Variants in CARHSP1 observed in about 807,000 individuals in gnomAD.
CARHSP1 encodes calcium-regulated heat-stable protein 1.
In CARHSP1, 14 loss-of-function variants were observed where a neutral mutation model predicts 12.5. The observed-to-expected ratio is 1.12, with a 90% confidence interval of 0.74 to 1.75. The LOEUF is 1.75. Among genes scored for constraint, CARHSP1 ranks in the 40% most tolerant of loss-of-function variants. CARHSP1 has a pLI of 0.00. For missense variants in CARHSP1, 343 were observed against 201.6 expected (o/e 1.70, Z -4.25); for synonymous variants, 161 against 82.0 (o/e 1.96, Z -5.20).
At chr16:8,860,604 C>G in intron 1 of CARHSP1, 4 of 725,016 alleles carry the variant, frequency 5.5e-6, no homozygotes, top group Non-Finnish European at 6.8e-6. Flanking sequence ...GTGGGCATCA[C>G]TTGGCACCTG....
At chr16:8,856,028 C>G (rs1433388346) in intron 3 of CARHSP1, among the ~76,000 whole-genome samples, 1 of 152,184 alleles carries the variant, frequency 6.6e-6, no homozygotes, top group Non-Finnish European at 1.5e-5. Flanking sequence ...AGGCTGGTCT[C>G]AAACTCCTGA....
intron 1 of CARHSP1, among the ~76,000 whole-genome samples, chr16:8,861,243 TC>T (rs371692218): frequency 2.1e-4 from 27 of 127,202 alleles, no homozygotes; most frequent in African/African-American, 7.7e-4. Flanking sequence ...GATCTCAAAC[TC>T]CTGGGCTCAA....
At chr16:8,866,495 C>T (rs867271898) in intron 1 of CARHSP1, 5 of 985,178 alleles carry the variant, frequency 5.1e-6, no homozygotes, top group Middle Eastern at 1.0e-3. Flanking sequence ...TCCAGCGCAG[C>T]TGAGCCCCAG....
At chr16:8,861,059 TAAA>T (rs2061337428) in intron 1 of CARHSP1, among the ~76,000 whole-genome samples, 1 of 19,148 alleles carries the variant, frequency 5.2e-5, no homozygotes, top group South Asian at 2.8e-3. Flanking sequence ...CAAAAAAAAA[TAAA>T]TAACTTTTAT....
Position 8,855,296 on chromosome 16 carries a change from G to T in CARHSP1, c.312C>A (p.Gly104=), listed in dbSNP as rs763843068. The part of the protein sequence containing the change: ...DVEGEYVPVE[G]DEVTYKMCSI... ...AGCACATTTTATAGGTGACCTCGTC[G>T]CCTTCCACTGGGACATACTCCCCTT... The change falls in exon 4 of 4, where the codon GGC becomes GGA. Residue 104 remains glycine, a synonymous_variant. Transcript: ENST00000311052. The T allele has an allele frequency of 6.2e-7, 1 of 1,608,480 alleles. No homozygotes were observed. The highest frequency in any genetic ancestry group is 8.5e-7 in the Non-Finnish European group (1 of 1,176,638).
At chr16:8,863,342 G>A (rs1352484830) in intron 1 of CARHSP1, among the ~76,000 whole-genome samples, 3 of 151,980 alleles carry the variant, frequency 2.0e-5, no homozygotes, top group African/African-American at 7.3e-5. Flanking sequence ...TAAACTCCTG[G>A]GCTCAAGCGA....
intron 1 of CARHSP1, among the ~76,000 whole-genome samples, chr16:8,860,998 C>A (rs966002319): frequency 6.7e-6 from 1 of 148,816 alleles, no homozygotes; most frequent in African/African-American, 2.5e-5. Context: ...TGCAATGAGC[C>A]GAGATCACAC....
chr16:8,854,010 G>A lies in CARHSP1; in HGVS notation c.*1154C>T, dbSNP rs907186685. On this transcript the variant is annotated 3_prime_UTR_variant, in exon 4 of 4. Transcript: ENST00000311052. ...CTGAGGCGGAATTGCCAGAACCCTGGAGGGCAGAGGTTGCAGTAAGCTGAG... is the reference window on the plus strand; with the variant it reads ...CTGAGGCGGAATTGCCAGAACCCTGAAGGGCAGAGGTTGCAGTAAGCTGAG... 1 of 152,206 alleles carries A rather than the reference G, an allele frequency of 6.6e-6. No individual in the cohort carries two copies. The highest frequency in any genetic ancestry group is 1.5e-5 in the Non-Finnish European group (1 of 68,062). The allele number at this position is 152,206 out of a possible 1,614,324, so 9.4% of individuals were successfully genotyped here. A position where few individuals can be genotyped will look rare whatever the true frequency, so the allele number is the denominator to read the frequency against.
chr16:8,857,263 G>GTTTTTTGTTTTTGTTT (rs1315960023), intron 3 of CARHSP1, among the ~76,000 whole-genome samples: 1 of 57,006 alleles, frequency 1.8e-5, no homozygotes, highest in African/African-American at 5.6e-5. Flanking sequence ...GGGCAGATCT[G>GTTTTTTGTTTTTGTTT]TTTTTTTTTT....
At chr16:8,861,199 T>TTTTTTTTTTTTA (rs1567187143) in intron 1 of CARHSP1, among the ~76,000 whole-genome samples, 1 of 60,570 alleles carries the variant, frequency 1.7e-5, no homozygotes, top group Non-Finnish European at 3.2e-5. Context: ...TTTTTTTTTT[T>TTTTTTTTTTTTA]ATAGAGACAG....
At chr16:8,857,269 T>TG (rs756868301) in intron 3 of CARHSP1, among the ~76,000 whole-genome samples, 3,843 of 29,816 alleles carry the variant, frequency 0.13, 271 homozygotes, top group Admixed American at 0.16. Context: ...ATCTGTTTTT[T>TG]TTTTTTTTTT....
chr16:8,864,681 G>A (rs190173769), intron 1 of CARHSP1, among the ~76,000 whole-genome samples: 2 of 152,204 alleles, frequency 1.3e-5, no homozygotes, highest in Non-Finnish European at 2.9e-5. Context: ...CCCTTCCCCA[G>A]TCAGCCCCCA....
rs888010908 is a variant in CARHSP1 at position 8,854,046 on chromosome 16, T to A, written c.*1118A>T. ...TTGCAGTAAGCTGAGATCGGGCCACTGCACTCCAGCCTGGGTGACAGAATG... is the reference window on the plus strand; with the variant it reads ...TTGCAGTAAGCTGAGATCGGGCCACAGCACTCCAGCCTGGGTGACAGAATG... On this transcript the variant is annotated 3_prime_UTR_variant, in exon 4 of 4. Coordinates refer to ENST00000311052, the MANE Select transcript of CARHSP1 (RefSeq NM_014316.4). 1.3e-5 allele frequency: 2 copies of A among 152,172 alleles called. No individual in the cohort carries two copies. The highest frequency in any genetic ancestry group is 4.8e-5 in the African/African-American group (2 of 41,422). The allele number at this position is 152,172 out of a possible 1,614,324, so 9.4% of individuals were successfully genotyped here. A position where few individuals can be genotyped will look rare whatever the true frequency, so the allele number is the denominator to read the frequency against.
intron 1 of CARHSP1, among the ~76,000 whole-genome samples, chr16:8,866,654 T>A (rs1356976065): frequency 6.6e-6 from 1 of 150,666 alleles, no homozygotes; most frequent in Non-Finnish European, 1.5e-5. Context: ...CCCTCCATTG[T>A]TCCGGGGAGA....
chr16:8,858,732 C>G (rs1224139495), intron 2 of CARHSP1: 1 of 505,938 alleles, frequency 2.0e-6, no homozygotes. Flanking sequence ...ACTAAAACAT[C>G]ACTGAACATC....
chr16:8,859,413 A>G, intron 1 of CARHSP1, 78 bp from the exon 2 acceptor site: 2 of 1,289,216 alleles, frequency 1.6e-6, no homozygotes, highest in Non-Finnish European at 2.1e-6. Flanking sequence ...TCCACGTCTG[A>G]CAGTCCAGTA....
rs558506791 is a variant in CARHSP1 at position 8,859,189 on chromosome 16, C to A, written c.140G>T (p.Arg47Leu). The change falls in exon 2 of 4, where the codon CGG becomes CTG. Residue 47 changes from arginine (R) to leucine (L), a missense_variant. Transcript: ENST00000311052. Reference protein sequence around the residue: ...NVVPSPLPTRRTRTFSATVRA... With the variant: ...NVVPSPLPTRLTRTFSATVRA... The stretch of plus-strand genomic sequence containing the variant: ...GACTCACGCCGAGAAGGTCCTCGTC[C>A]GGCGAGTGGGCAGTGGGCTTGGGAC... 2 of 1,601,322 alleles carry A rather than the reference C, an allele frequency of 1.2e-6. No individual in the cohort carries two copies. Among genetic ancestry groups the A allele is most frequent in the Non-Finnish European group, 1.7e-6 (2 of 1,173,896 alleles).
intron 1 of CARHSP1, chr16:8,861,845 C>G: frequency 8.4e-7 from 1 of 1,192,306 alleles, no homozygotes; most frequent in Non-Finnish European, 1.1e-6. Flanking sequence ...AGAGGCTGGC[C>G]CTGGGAGGGG....
Position 8,856,388 on chromosome 16 carries a change from G to A in CARHSP1, c.282-1062C>T, listed in dbSNP as rs575315509. On this transcript the variant is annotated intron_variant, in intron 3 of 3. Transcript: ENST00000311052. Reference sequence around the variant, plus strand: ...GTGTTTCCCTCTTTGATCTGGTCACGAGGGAGCTCAGAAATAAATCTGCAG... The same window carrying A: ...GTGTTTCCCTCTTTGATCTGGTCACAAGGGAGCTCAGAAATAAATCTGCAG... Among the ~76,000 whole-genome samples the A allele has an allele frequency of 5.3e-5, 8 of 152,296 alleles. No individual in the cohort carries two copies. The East Asian group carries it at 5.8e-4, about 11-fold the overall frequency.
Sources: allele counts gnomAD v4.1 joint callset (sites outside exome capture counted in the v4.1 genomes callset), GRCh38; gene constraint gnomAD v4.1.1; transcripts MANE v1.5; gene names NCBI Gene and HGNC (gene_info 2026-07-23, HGNC 2026-07-21).